Variants in CACNA1H observed in about 807,000 individuals in gnomAD.
The protein encoded by CACNA1H is voltage-dependent T-type calcium channel subunit alpha-1H.
A neutral mutation model predicts 192.5 loss-of-function variants in CACNA1H; 149 were observed. That is an observed-to-expected ratio of 0.77 (90% CI 0.68 to 0.89). The LOEUF (loss-of-function observed/expected upper bound fraction) is 0.89. CACNA1H is among the 40% of genes least tolerant of loss of function. CACNA1H has a pLI of 0.00. For missense variants in CACNA1H, 4,257 were observed against 3,423.5 expected (o/e 1.24, Z -6.08); for synonymous variants, 2,202 against 1,475.2 (o/e 1.49, Z -11.29).
chr16:1,176,855 C>A (rs1048580097), intron 2 of CACNA1H, among the ~76,000 whole-genome samples: 1 of 152,102 alleles, frequency 6.6e-6, no homozygotes, highest in African/African-American at 2.4e-5. Context: ...CCCCAGGGGA[C>A]GGGGAGGGGG....
chr16:1,165,923 C>G (rs149171235), intron 2 of CACNA1H, among the ~76,000 whole-genome samples: 76 of 152,256 alleles, frequency 5.0e-4, no homozygotes, highest in African/African-American at 1.7e-3. Context: ...CCCGGCCCGG[C>G]CGTGTGGGGC....
At chr16:1,159,096 G>C (rs1962843380) in intron 2 of CACNA1H, among the ~76,000 whole-genome samples, 1 of 152,236 alleles carries the variant, frequency 6.6e-6, no homozygotes, top group South Asian at 2.1e-4. Flanking sequence ...TTCAGGCCCT[G>C]ATGGGGGGAC....
Position 1,215,566 on chromosome 16 carries a change from G to A in CACNA1H, c.5217G>A (p.Leu1739=), listed in dbSNP as rs370996432. The A allele has an allele frequency of 2.4e-5, 39 of 1,611,766 alleles. No homozygotes were observed. Among genetic ancestry groups the A allele is most frequent in the Non-Finnish European group, 2.9e-5 (34 of 1,179,554 alleles). Residue 1739 remains leucine (L), a synonymous_variant, in exon 30 of 35, where the codon CTG becomes CTA. Coordinates refer to ENST00000348261, the MANE Select transcript of CACNA1H (RefSeq NM_021098.3). ...LKMATGMRAL[L]DTVVQALPQV... ...TGGCTACGGGCATGCGCGCCCTGCT[G>A]GACACTGTGGTGCAAGCTCTCCCCC...
rs1416730907 is a variant in CACNA1H, at chr16:1,215,521, A to G, written c.5174-2A>G. On this transcript the variant is annotated splice_acceptor_variant, in intron 29 of 34. Transcript: ENST00000348261. LOFTEE classifies it high-confidence loss of function. The stretch of plus-strand genomic sequence containing the variant: ...CTGCTGACGCTCAGCTCCCGGCCCT[A>G]GTGCTGAAGCTGCTGAAGATGGCTA... 1.9e-6 allele frequency: 3 copies of G among 1,611,160 alleles called. No individual in the cohort carries two copies. Among genetic ancestry groups the G allele is most frequent in the Non-Finnish European group, 2.5e-6 (3 of 1,179,290 alleles).
At chr16:1,216,222 C>T (rs895674249) in intron 30 of CACNA1H, among the ~76,000 whole-genome samples, 32 of 152,200 alleles carry the variant, frequency 2.1e-4, no homozygotes, top group African/African-American at 6.3e-4. Context: ...CTGTCACTTG[C>T]CCCCTGCCTG....
Position 1,220,945 on chromosome 16 carries a change from C to T in CACNA1H, c.7013C>T (p.Ser2338Phe), listed in dbSNP as rs757713867. Residue 2338 changes from serine to phenylalanine, a missense_variant, in exon 35 of 35, where the codon TCC becomes TTC. Transcript: ENST00000348261. ...VPQCPLEKPG[S>F]PSATPAPGGG... ...CAGTGTCCTCTGGAGAAACCAGGGT[C>T]CCCCTCAGCCACCCCTGCCCCAGGG... 102 of 1,606,938 alleles carry T rather than the reference C, an allele frequency of 6.3e-5. 3 individuals are homozygous for T. The South Asian group carries it at 7.7e-4, about 12-fold the overall frequency.
In CACNA1H at chr16:1,153,759, G is replaced by A. The variant is rs1323910410; in HGVS notation, c.22G>A (p.Ala8Thr). MTEGARA[A>T]DEVRVPLGAP... ...CACCATGACCGAGGGCGCACGGGCC[G>A]CCGACGAGGTCCGGGTGCCCCTGGG... is the stretch of plus-strand genomic sequence containing the variant. The change falls in exon 2 of 35, where the codon GCC (alanine) becomes ACC (threonine). Residue 8 changes from alanine (A) to threonine (T), a missense_variant. By Grantham distance (58) the Ala-to-Thr change is moderately conservative. Coordinates refer to ENST00000348261, the MANE Select transcript of CACNA1H (RefSeq NM_021098.3). 1.6e-6 allele frequency: 2 copies of A among 1,214,684 alleles called. No homozygotes were observed. The highest frequency in any genetic ancestry group is 1.0e-6 in the Non-Finnish European group (1 of 976,856). 75.2% of individuals were successfully genotyped at this position (1,214,684 alleles called of 1,614,324 possible).
Position 1,200,783 on chromosome 16 carries a change from T to TC in CACNA1H, c.1188dup (p.Ile397HisfsTer259). The TC allele has an allele frequency of 6.4e-7, 1 of 1,552,690 alleles. No homozygotes were observed. Among genetic ancestry groups the TC allele is most frequent in the Non-Finnish European group, 8.7e-7 (1 of 1,147,806 alleles). On this transcript the variant is annotated frameshift_variant, in exon 8 of 35. Coordinates refer to ENST00000348261, the MANE Select transcript of CACNA1H (RefSeq NM_021098.3). LOFTEE classifies it high-confidence loss of function. ...ATGGACGCCCACTCATTCTACAACT[T>TC]CATCTATTTCATCCTGCTCATCATC...
At chr16:1,197,148 C>T (rs1290077839) in intron 5 of CACNA1H, among the ~76,000 whole-genome samples, 1 of 152,230 alleles carries the variant, frequency 6.6e-6, no homozygotes, top group East Asian at 1.9e-4. Flanking sequence ...CACCTGCCTG[C>T]CTTGGCTCTA....
In CACNA1H at chr16:1,211,211, CTGA is replaced by C; in HGVS notation, c.4269_4271del (p.Ile1424del). The C allele has an allele frequency of 6.2e-7, 1 of 1,613,050 alleles. No homozygotes were observed. The highest frequency in any genetic ancestry group is 8.5e-7 in the Non-Finnish European group (1 of 1,179,756). On this transcript the variant is annotated inframe_deletion, in exon 22 of 35. Coordinates refer to ENST00000348261, the MANE Select transcript of CACNA1H (RefSeq NM_021098.3). ...GGGCCTCAAGCTGGTGGTGGAGACGCTGATATCATCACTCAGGCCCATTGGGAA... is the reference window on the plus strand; with the variant it reads ...GGGCCTCAAGCTGGTGGTGGAGACGCTATCATCACTCAGGCCCATTGGGAA...
At chr16:1,153,515 C>T (rs1273873164) in intron 1 of CACNA1H, 45 bp downstream of exon 1, 1 of 278,144 alleles carries the variant, frequency 3.6e-6, no homozygotes, top group Non-Finnish European at 6.4e-6. Context: ...CTTCAACTTG[C>T]GCGAAGCGGG....
intron 2 of CACNA1H, among the ~76,000 whole-genome samples, chr16:1,165,322 C>G (rs1963648010): frequency 6.6e-6 from 1 of 152,160 alleles, no homozygotes; most frequent in African/African-American, 2.4e-5. Flanking sequence ...AGACCCAGAC[C>G]CCAGTTGGTG....
At chr16:1,189,726 G>C (rs1427175484) in intron 2 of CACNA1H, among the ~76,000 whole-genome samples, 4 of 152,228 alleles carry the variant, frequency 2.6e-5, no homozygotes, top group African/African-American at 9.6e-5. Context: ...CCCAGCCTGA[G>C]AGCACTGATT....
At chr16:1,217,575 T>G (rs1478274993) in intron 31 of CACNA1H, among the ~76,000 whole-genome samples, 1 of 152,148 alleles carries the variant, frequency 6.6e-6, no homozygotes, top group Non-Finnish European at 1.5e-5. Flanking sequence ...GTTGCCACAG[T>G]CCAGTGTCTG....
At chr16:1,200,123 A>G (rs1200588008) in intron 6 of CACNA1H, 133 bp from the exon 7 acceptor site, 1 of 722,758 alleles carries the variant, frequency 1.4e-6, no homozygotes, top group Non-Finnish European at 2.3e-6. Flanking sequence ...CTCCCTAACC[A>G]TGATTAGTCC....
At chr16:1,174,180 G>A (rs1479150300) in intron 2 of CACNA1H, among the ~76,000 whole-genome samples, 2 of 152,202 alleles carry the variant, frequency 1.3e-5, no homozygotes, top group South Asian at 2.1e-4. Context: ...AGGAAGGGCA[G>A]AGGTCCTGGC....
At chr16:1,219,234 G>A (rs1970286410) in intron 34 of CACNA1H, 104 bp downstream of exon 34, 7 of 1,214,946 alleles carry the variant, frequency 5.8e-6, no homozygotes, top group African/African-American at 3.1e-5. Flanking sequence ...AAGGCAGGAG[G>A]AGGGTCGCAC....
At chr16:1,170,512 G>A (rs7200924) in intron 2 of CACNA1H, among the ~76,000 whole-genome samples, 2 of 152,284 alleles carry the variant, frequency 1.3e-5, no homozygotes, top group Non-Finnish European at 1.5e-5. Context: ...GACGTACCCC[G>A]ACACCGGCCT....
chr16:1,198,833 T>C, intron 6 of CACNA1H, 59 bp downstream of exon 6: 2 of 1,512,260 alleles, frequency 1.3e-6, no homozygotes, highest in Non-Finnish European at 1.8e-6. Context: ...ACCATGCAGA[T>C]AACGCACCAT....
Sources: gnomAD v4.1 joint callset for allele counts (sites outside exome capture counted in the v4.1 genomes callset) on GRCh38, gnomAD v4.1.1 for gene constraint, MANE v1.5 for transcripts, NCBI Gene and HGNC (gene_info 2026-07-23, HGNC 2026-07-21) for gene names.